The following SGK3 variants were observed in gnomAD, a reference collection of about 807,000 sequenced individuals.
SGK3 encodes the protein serum/glucocorticoid regulated kinase family member 3.
SGK3 carries 47 observed loss-of-function variants against 68.5 expected under a neutral mutation model. The observed-to-expected ratio is 0.69, with a 90% CI of 0.54 to 0.87. SGK3 has a LOEUF of 0.87. Ranked by LOEUF, SGK3 falls within the 40% of genes least tolerant of loss-of-function variation. The probability of loss-of-function intolerance (pLI) is 0.00; values close to 1 mark genes in which losing one functional copy is unlikely to be tolerated. For missense variants in SGK3, 479 were observed against 575.5 expected (o/e 0.83, Z 1.72); for synonymous variants, 181 against 189.1 (o/e 0.96, Z 0.35).
Position 66,861,735 on chromosome 8 carries a change from A to T in SGK3, c.*2154A>T, listed in dbSNP as rs1348508643. On this transcript the variant is annotated 3_prime_UTR_variant, in exon 17 of 17. Coordinates refer to ENST00000521198, the MANE Select transcript of SGK3 (RefSeq NM_001033578.3). ...TATATTAATAATATTTACATCCAAT[A>T]CACTGAATCTTCCTTTAGAGGTAAG... The T allele has an allele frequency of 6.6e-6, 1 of 152,180 alleles. No individual in the cohort carries two copies. The highest frequency in any genetic ancestry group is 1.9e-4 in the East Asian group (1 of 5,202). 9.4% of individuals were successfully genotyped at this position (152,180 alleles called of 1,614,324 possible).
intron 1 of SGK3, chr8:66,775,202 C>CG (rs1462320721): frequency 1.3e-5 from 2 of 152,350 alleles, no homozygotes; most frequent in Non-Finnish European, 2.9e-5. Context: ...GTTTGGCCCC[C>CG]GCAGGGAGCG....
At chr8:66,714,454 A>G (rs1804577019) in intron 1 of SGK3, among the ~76,000 whole-genome samples, 1 of 152,226 alleles carries the variant, frequency 6.6e-6, no homozygotes, top group South Asian at 2.1e-4. Context: ...TGTAATGTCA[A>G]AATCTGCACA....
At chr8:66,837,523 A>G (rs983169018) in intron 10 of SGK3, among the ~76,000 whole-genome samples, 2 of 152,138 alleles carry the variant, frequency 1.3e-5, no homozygotes, top group Non-Finnish European at 2.9e-5. Context: ...CTCAACACCT[A>G]TGATCCCAGC....
At chr8:66,744,059 G>A (rs936926570) in intron 1 of SGK3, among the ~76,000 whole-genome samples, 1 of 152,086 alleles carries the variant, frequency 6.6e-6, no homozygotes, top group Admixed American at 6.6e-5. Flanking sequence ...GGCTTATTCT[G>A]TACTTGTGGT....
chr8:66,814,792 T>C (rs535553854), intron 5 of SGK3, among the ~76,000 whole-genome samples: 1 of 152,354 alleles, frequency 6.6e-6, no homozygotes, highest in East Asian at 1.9e-4. Flanking sequence ...AGATAGAGGG[T>C]TGTATCAGAA....
At chr8:66,722,691 G>A (rs1271643580) in intron 1 of SGK3, among the ~76,000 whole-genome samples, 2 of 152,132 alleles carry the variant, frequency 1.3e-5, no homozygotes, top group African/African-American at 4.8e-5. Context: ...GGTCGTTCTT[G>A]CATTGCTATA....
chr8:66,834,088 A>G, intron 8 of SGK3, among the ~76,000 whole-genome samples: 1 of 152,250 alleles, frequency 6.6e-6, no homozygotes, highest in Non-Finnish European at 1.5e-5. Context: ...CCTAGTTTAC[A>G]TATCCAACAG....
intron 2 of SGK3, among the ~76,000 whole-genome samples, chr8:66,794,765 G>C: frequency 6.6e-6 from 1 of 152,170 alleles, no homozygotes; most frequent in East Asian, 1.9e-4. Context: ...ATGACCTCAT[G>C]GTAGCCTGGT....
intron 2 of SGK3, among the ~76,000 whole-genome samples, chr8:66,795,816 C>T (rs920382295): frequency 6.6e-6 from 1 of 151,856 alleles, no homozygotes; most frequent in African/African-American, 2.4e-5. Flanking sequence ...AGCACCTTCA[C>T]ACCCCACCCT....
chr8:66,722,629 CT>C (rs1246812681), intron 1 of SGK3, among the ~76,000 whole-genome samples: 1 of 152,230 alleles, frequency 6.6e-6, no homozygotes, highest in East Asian at 1.9e-4. Flanking sequence ...TTGATGATGG[CT>C]TAGACGCGAA....
intron 1 of SGK3, among the ~76,000 whole-genome samples, chr8:66,745,790 CA>C (rs1805638717): frequency 6.6e-6 from 1 of 152,084 alleles, no homozygotes; most frequent in African/African-American, 2.4e-5. Flanking sequence ...TCTCTGCTTC[CA>C]AGATGCCACT....
rs1563616863 is a variant in SGK3, at chr8:66,767,755, T to G, written c.-121-25861T>G. On this transcript the variant is annotated intron_variant, in intron 1 of 16. Transcript: ENST00000521198. ...CTTTTTGGCAGAAAAGCTTGGCTGT[T>G]TTTGTTTGAGGGGTCCATTGGTCTT... is the stretch of plus-strand genomic sequence containing the variant. The G allele has an allele frequency of 2.5e-6, 4 of 1,575,036 alleles. No individual in the cohort carries two copies. The East Asian group carries it at 9.0e-5, about 35-fold the overall frequency.
At chr8:66,775,069 A>T (rs1276971587) in intron 1 of SGK3, 1 of 152,226 alleles carries the variant, frequency 6.6e-6, no homozygotes, top group Admixed American at 6.5e-5. Flanking sequence ...GCTGCACCCC[A>T]CCGGCAGCTC....
intron 4 of SGK3, among the ~76,000 whole-genome samples, chr8:66,805,519 CAAAAA>C (rs566639848): frequency 3.0e-5 from 2 of 67,558 alleles, no homozygotes; most frequent in African/African-American, 5.0e-5. Flanking sequence ...GACTTCATCT[CAAAAA>C]AAAAAAAAAA....
At chr8:66,843,320 C>A in intron 13 of SGK3, 132 bp from the exon 14 acceptor site, 1 of 750,296 alleles carries the variant, frequency 1.3e-6, no homozygotes, top group Non-Finnish European at 2.2e-6. Flanking sequence ...GAATATCCAA[C>A]CCACTGGAAA....
At chr8:66,721,991 A>G (rs1284975026) in intron 1 of SGK3, among the ~76,000 whole-genome samples, 1 of 152,170 alleles carries the variant, frequency 6.6e-6, no homozygotes, top group Admixed American at 6.5e-5. Context: ...CAGTAGAGAT[A>G]TACACTGGTG....
intron 6 of SGK3, among the ~76,000 whole-genome samples, chr8:66,823,064 T>A (rs1261001763): frequency 2.6e-5 from 4 of 152,196 alleles, no homozygotes; most frequent in Non-Finnish European, 4.4e-5. Flanking sequence ...ATTTTTAACA[T>A]CCTGGTGATT....
intron 8 of SGK3, among the ~76,000 whole-genome samples, chr8:66,833,848 C>T (rs1368143659): frequency 2.0e-5 from 3 of 152,202 alleles, no homozygotes; most frequent in African/African-American, 4.8e-5. Context: ...TGTGCCACCA[C>T]GCCCTGCTAA....
chr8:66,745,089 G>C (rs1401902207), intron 1 of SGK3, among the ~76,000 whole-genome samples: 1 of 151,566 alleles, frequency 6.6e-6, no homozygotes, highest in East Asian at 1.9e-4. Context: ...TATGAAAATT[G>C]GTTTTTCTTT....
Sources: gnomAD v4.1 joint callset for allele counts (sites outside exome capture counted in the v4.1 genomes callset) on GRCh38, gnomAD v4.1.1 for gene constraint, MANE v1.5 for transcripts, NCBI Gene and HGNC (gene_info 2026-07-23, HGNC 2026-07-21) for gene names.